The following MAMDC2 variants were observed in gnomAD, a reference collection of about 807,000 sequenced individuals.
MAMDC2 encodes MAM domain containing 2, also known as MAM domain-containing protein 2.
MAMDC2 carries 57 observed loss-of-function variants against 89.8 expected under a neutral mutation model. The ratio of observed to expected loss-of-function variants is 0.63; its 90% CI spans 0.51 to 0.79. The LOEUF (loss-of-function observed/expected upper bound fraction) is 0.79, where lower values mean the gene tolerates loss of function less well. MAMDC2 is among the 30% of genes least tolerant of loss of function. The pLI, the probability that MAMDC2 is intolerant of heterozygous loss-of-function variation, is 0.00. For missense variants in MAMDC2, 800 were observed against 820.6 expected (o/e 0.97, Z 0.31); for synonymous variants, 313 against 293.4 (o/e 1.07, Z -0.68).
chr9:70,120,086 G>C (rs1274109740), intron 5 of MAMDC2, among the ~76,000 whole-genome samples: 3 of 152,204 alleles, frequency 2.0e-5, no homozygotes, highest in Non-Finnish European at 4.4e-5. Flanking sequence ...CTTGAGAAGA[G>C]TCCTTTTAAG....
chr9:70,213,708 T>A (rs1218386363), intron 11 of MAMDC2, among the ~76,000 whole-genome samples: 1 of 150,926 alleles, frequency 6.6e-6, no homozygotes, highest in East Asian at 2.0e-4. Context: ...GTGCTTCTTG[T>A]GGACCAATTT....
intron 7 of MAMDC2, among the ~76,000 whole-genome samples, chr9:70,139,754 C>G (rs1468158020): frequency 6.6e-6 from 1 of 152,138 alleles, no homozygotes; most frequent in African/African-American, 2.4e-5. Context: ...AAAAGTGTTC[C>G]TGTTTCTCCA....
At position 70,190,320 on chromosome 9, in the gene MAMDC2, A is replaced by G. The variant is rs534314031; in HGVS notation, c.1651+19689A>G. ...CTTTCCTAGACTAATTCTGTAGTCT[A>G]TATTCTTTGTTGTGTATGGCTCTGC... On this transcript the variant is annotated intron_variant, in intron 11 of 13. Coordinates refer to ENST00000377182, the MANE Select transcript of MAMDC2 (RefSeq NM_153267.5). 4.6e-5 allele frequency among the ~76,000 whole-genome samples: 7 copies of G among 152,194 alleles called. No individual in the cohort carries two copies. The South Asian group carries it at 1.0e-3, about 23-fold the overall frequency.
intron 5 of MAMDC2, 49 bp from the exon 6 acceptor site, chr9:70,126,110 T>TCCCCCCCCCCCC: frequency 7.0e-6 from 7 of 1,004,978 alleles, no homozygotes; most frequent in South Asian, 1.5e-5. Flanking sequence ...CCTCTTCCCC[T>TCCCCCCCCCCCC]CCCCCACCCC....
At chr9:70,202,000 A>G (rs937029808) in intron 11 of MAMDC2, among the ~76,000 whole-genome samples, 7 of 151,494 alleles carry the variant, frequency 4.6e-5, no homozygotes, top group African/African-American at 1.7e-4. Context: ...CTTTCAAAAA[A>G]GCAGCTCCTG....
At chr9:70,113,935 C>T (rs1424481568) in intron 5 of MAMDC2, 1 of 152,156 alleles carries the variant, frequency 6.6e-6, no homozygotes, top group Non-Finnish European at 1.5e-5. Flanking sequence ...ATCCTTTACG[C>T]ATAGATATTG....
At position 70,044,667 on chromosome 9, in the gene MAMDC2, G is replaced by T. The variant is rs776057039; in HGVS notation, c.118G>T (p.Ala40Ser). The part of the protein sequence containing the change: ...ESTCGFDSVL[A>S]SLPWILNEEG... ...CACTTGCGGCTTTGACTCCGTGTTG[G>T]CCTCTCTGCCGTGGATTTTAAATGA... The change falls in exon 2 of 14, where the codon GCC becomes TCC. Residue 40 changes from alanine to serine, a missense_variant. By Grantham distance (99) the Ala-to-Ser change is moderately conservative. Transcript: ENST00000377182. 2.4e-5 allele frequency: 37 copies of T among 1,551,718 alleles called. 1 individual carries two copies. Among genetic ancestry groups the T allele is most frequent in the Middle Eastern group, 3.4e-4 (2 of 5,970 alleles).
At chr9:70,208,435 G>C (rs1463343700) in intron 11 of MAMDC2, among the ~76,000 whole-genome samples, 4 of 152,112 alleles carry the variant, frequency 2.6e-5, no homozygotes, top group African/African-American at 9.7e-5. Context: ...CTCTCTGTTT[G>C]TCTGGTATTG....
At chr9:70,205,197 C>T (rs1168005163) in intron 11 of MAMDC2, among the ~76,000 whole-genome samples, 1 of 152,176 alleles carries the variant, frequency 6.6e-6, no homozygotes, top group Non-Finnish European at 1.5e-5. Context: ...CATACTTTAA[C>T]CATTTTAAGT....
intron 9 of MAMDC2, among the ~76,000 whole-genome samples, chr9:70,158,202 A>G (rs985434854): frequency 2.6e-5 from 4 of 152,146 alleles, no homozygotes. Context: ...CGATCCACCC[A>G]TGTATGACCT....
intron 2 of MAMDC2, among the ~76,000 whole-genome samples, chr9:70,095,136 C>G (rs1302978636): frequency 4.6e-5 from 7 of 152,146 alleles, no homozygotes; most frequent in Admixed American, 4.6e-4. Flanking sequence ...CTTAAAGGAA[C>G]TAAAAGAAAT....
intron 5 of MAMDC2, among the ~76,000 whole-genome samples, chr9:70,124,957 C>T (rs973079696): frequency 3.3e-5 from 5 of 152,164 alleles, no homozygotes; most frequent in Non-Finnish European, 5.9e-5. Context: ...GCAATGCTCC[C>T]GCCTCAGCCT....
chr9:70,084,075 T>C (rs552053826), intron 2 of MAMDC2, among the ~76,000 whole-genome samples: 2 of 152,254 alleles, frequency 1.3e-5, no homozygotes, highest in South Asian at 2.1e-4. Flanking sequence ...TGTTTTCTAA[T>C]GTATCAACTC....
intron 2 of MAMDC2, among the ~76,000 whole-genome samples, chr9:70,064,172 A>T (rs1827212883): frequency 6.6e-6 from 1 of 152,042 alleles, no homozygotes; most frequent in Admixed American, 6.6e-5. Context: ...AATTTTTTTA[A>T]AATTTTTTTT....
chr9:70,119,482 C>T (rs1218369033), intron 5 of MAMDC2, among the ~76,000 whole-genome samples: 1 of 152,124 alleles, frequency 6.6e-6, no homozygotes, highest in Admixed American at 6.6e-5. Context: ...TGTAAGTACT[C>T]GGTAGGGAAG....
intron 11 of MAMDC2, among the ~76,000 whole-genome samples, chr9:70,180,964 T>G (rs778536642): frequency 3.3e-5 from 5 of 152,224 alleles, no homozygotes; most frequent in Non-Finnish European, 5.9e-5. Flanking sequence ...CTAGGTTTTC[T>G]TCATGGTTTT....
chr9:70,048,861 C>T (rs1181815862), intron 2 of MAMDC2, among the ~76,000 whole-genome samples: 1 of 152,158 alleles, frequency 6.6e-6, no homozygotes, highest in African/African-American at 2.4e-5. Context: ...TGGCTTCATT[C>T]TCATTTTTGG....
chr9:70,161,860 A>G (rs2031986416), intron 9 of MAMDC2, among the ~76,000 whole-genome samples: 1 of 152,196 alleles, frequency 6.6e-6, no homozygotes, highest in Non-Finnish European at 1.5e-5. Flanking sequence ...TAGTTGTCGT[A>G]ACCAAATTTA....
chr9:70,051,823 T>A (rs905695712), intron 2 of MAMDC2, among the ~76,000 whole-genome samples: 1 of 152,166 alleles, frequency 6.6e-6, no homozygotes, highest in African/African-American at 2.4e-5. Flanking sequence ...CATTCAGGTC[T>A]AGGTTCTTGG....
Sources: allele counts gnomAD v4.1 joint callset (sites outside exome capture counted in the v4.1 genomes callset), GRCh38; gene constraint gnomAD v4.1.1; transcripts MANE v1.5; gene names NCBI Gene and HGNC (gene_info 2026-07-23, HGNC 2026-07-21).